TRAPPC9: variants seen among roughly 807,000 people sequenced by gnomAD.
TRAPPC9 encodes the protein IKK2 binding protein.
A neutral mutation model predicts 124.0 loss-of-function variants in TRAPPC9; 83 were observed. The ratio of observed to expected loss-of-function variants is 0.67; its 90% CI spans 0.56 to 0.80. The LOEUF (loss-of-function observed/expected upper bound fraction) is 0.80. TRAPPC9 is among the 30% of genes least tolerant of loss of function. The pLI is 0.00. For synonymous variants in TRAPPC9, 638 were observed against 617.5 expected (o/e 1.03, Z -0.49); for missense variants, 1,302 against 1,508.3 (o/e 0.86, Z 2.27).
At position 139,962,661 on chromosome 8, in the gene TRAPPC9, T is replaced by A. The variant is rs1835418821; in HGVS notation, c.2810+26065A>T. Among the ~76,000 whole-genome samples the A allele has an allele frequency of 1.3e-4, 16 of 124,474 alleles. 6 individuals carry two copies. The Admixed American group carries it at 1.4e-3, about 11-fold the overall frequency. 81.7% of individuals were successfully genotyped at this position (124,474 alleles called of 152,430 possible). A position where few individuals can be genotyped will look rare whatever the true frequency, so the allele number is the denominator to read the frequency against. On this transcript the variant is annotated intron_variant, in intron 19 of 22. Coordinates refer to ENST00000438773, the MANE Select transcript of TRAPPC9 (RefSeq NM_001160372.4). The stretch of plus-strand genomic sequence containing the variant: ...CATTCTCCCAGCCCCACTGGAAGCA[T>A]GTGGCCACGGTGACCAGGAGGACAC...
intron 9 of TRAPPC9, among the ~76,000 whole-genome samples, chr8:140,342,523 A>G (rs1470981278): frequency 1.3e-5 from 2 of 152,192 alleles, no homozygotes; most frequent in Non-Finnish European, 2.9e-5. Flanking sequence ...GTTTTATTCA[A>G]TCCCTTCTCT....
intron 17 of TRAPPC9, among the ~76,000 whole-genome samples, chr8:140,055,433 T>C (rs1376890307): frequency 6.6e-6 from 1 of 152,128 alleles, no homozygotes; most frequent in African/African-American, 2.4e-5. Context: ...TAAAAAAAAC[T>C]GAAGGCTTTT....
At chr8:140,291,591 C>A (rs1390377838) in intron 11 of TRAPPC9, among the ~76,000 whole-genome samples, 2 of 152,230 alleles carry the variant, frequency 1.3e-5, no homozygotes, top group African/African-American at 4.8e-5. Flanking sequence ...GTGTGCACAA[C>A]CTGGTGTGCA....
chr8:140,202,890 T>G (rs1198834122), intron 17 of TRAPPC9, among the ~76,000 whole-genome samples: 3 of 152,202 alleles, frequency 2.0e-5, no homozygotes, highest in South Asian at 4.1e-4. Context: ...AATTCTACTT[T>G]AAGGGAAATC....
intron 17 of TRAPPC9, among the ~76,000 whole-genome samples, chr8:140,082,345 G>A (rs1182383462): frequency 6.6e-6 from 1 of 152,022 alleles, no homozygotes; most frequent in East Asian, 1.9e-4. Flanking sequence ...GCTGAATAAA[G>A]TGTGGAATCA....
rs560563220 is a variant in TRAPPC9, at chr8:139,749,580, T to G, written c.3056-17378A>C. 2.0e-5 allele frequency among the ~76,000 whole-genome samples: 3 copies of G among 152,328 alleles called. No individual in the cohort carries two copies. In the East Asian group the frequency reaches 5.8e-4, roughly 29 times the overall value. On this transcript the variant is annotated intron_variant, in intron 21 of 22. Transcript: ENST00000438773. ...CCCCTCTCACCCTGTACCCCCAGAC[T>G]GTCCTCACACAGCCCAGGGCTGACC...
chr8:139,891,265 G>C (rs1296251626), intron 20 of TRAPPC9, among the ~76,000 whole-genome samples: 1 of 152,254 alleles, frequency 6.6e-6, no homozygotes, highest in African/African-American at 2.4e-5. Flanking sequence ...AGGAATGTGA[G>C]AGTAAGGGAA....
intron 19 of TRAPPC9, among the ~76,000 whole-genome samples, chr8:139,953,473 C>T (rs1434666314): frequency 6.6e-6 from 1 of 152,142 alleles, no homozygotes; most frequent in Non-Finnish European, 1.5e-5. Flanking sequence ...GCCTGGGTGA[C>T]AGAGCAAGAC....
intron 2 of TRAPPC9, among the ~76,000 whole-genome samples, chr8:140,444,866 G>T (rs866671435): frequency 2.7e-5 from 1 of 37,218 alleles, no homozygotes; most frequent in Admixed American, 2.1e-4. Flanking sequence ...TCCAATCTCA[G>T]GAAAAAAAAA....
intron 7 of TRAPPC9, among the ~76,000 whole-genome samples, chr8:140,392,000 T>A (rs1027804406): frequency 6.7e-6 from 1 of 150,316 alleles, no homozygotes. Flanking sequence ...CACTCCAACC[T>A]GGGCTACAAG....
intron 8 of TRAPPC9, among the ~76,000 whole-genome samples, chr8:140,362,959 C>A (rs1273951184): frequency 6.6e-6 from 1 of 152,174 alleles, no homozygotes; most frequent in African/African-American, 2.4e-5. Flanking sequence ...GTCATAATTT[C>A]TATGTGGCTC....
In TRAPPC9 at chr8:140,056,161, C is replaced by G. The variant is rs150110972; in HGVS notation, c.2557-32082G>C. On this transcript the variant is annotated intron_variant, in intron 17 of 22. Transcript: ENST00000438773. The stretch of plus-strand genomic sequence containing the variant: ...CAGTGACTCATGCCTGGAATCCCAG[C>G]ACTTTGGGAGTCTGAGGCAGAAGGA... Among the ~76,000 whole-genome samples the G allele has an allele frequency of 5.2e-3, 797 of 152,090 alleles. 3 individuals are homozygous for G. The highest frequency in any genetic ancestry group is 0.018 in the African/African-American group (763 of 41,500).
intron 13 of TRAPPC9, among the ~76,000 whole-genome samples, chr8:140,285,578 G>A (rs1320357858): frequency 6.6e-6 from 1 of 152,078 alleles, no homozygotes; most frequent in Non-Finnish European, 1.5e-5. Flanking sequence ...CTCCCTTCCA[G>A]CCTGTCTCAT....
intron 17 of TRAPPC9, among the ~76,000 whole-genome samples, chr8:140,041,357 C>T (rs1355564653): frequency 6.6e-6 from 1 of 152,246 alleles, no homozygotes; most frequent in Non-Finnish European, 1.5e-5. Flanking sequence ...AAACAGCGTA[C>T]ACCTGCACAG....
Position 140,405,701 on chromosome 8 carries a change from G to A in TRAPPC9, c.887-3C>T. 5 of 1,614,140 alleles carry A rather than the reference G, an allele frequency of 3.1e-6. No homozygotes were observed. The highest frequency in any genetic ancestry group is 4.2e-6 in the Non-Finnish European group (5 of 1,179,998). ...GATGCCATTGGTGGTGAGGGCACCT[G>A]CAAACCAAGAGGAAGAAAAGAAATA... On this transcript the variant is annotated splice_polypyrimidine_tract_variant and splice_region_variant and intron_variant, in intron 5 of 22. Coordinates refer to ENST00000438773, the MANE Select transcript of TRAPPC9 (RefSeq NM_001160372.4).
chr8:140,304,870 G>A (rs968542596), intron 10 of TRAPPC9, among the ~76,000 whole-genome samples: 28 of 152,120 alleles, frequency 1.8e-4, no homozygotes, highest in African/African-American at 6.5e-4. Flanking sequence ...TCAACAGCAG[G>A]CCACACCGCC....
chr8:140,375,860 G>T (rs553698375), intron 7 of TRAPPC9, among the ~76,000 whole-genome samples: 2 of 152,124 alleles, frequency 1.3e-5, no homozygotes, highest in South Asian at 2.1e-4. Flanking sequence ...CCTGGTGGCC[G>T]CACTCAACTA....
chr8:140,161,958 C>A (rs1024104701), intron 17 of TRAPPC9, among the ~76,000 whole-genome samples: 3 of 152,096 alleles, frequency 2.0e-5, no homozygotes, highest in Non-Finnish European at 2.9e-5. Context: ...CAGCCAAGCC[C>A]GAGTGTCCGG....
chr8:139,953,748 G>A (rs1834809372), intron 19 of TRAPPC9, among the ~76,000 whole-genome samples: 1 of 152,134 alleles, frequency 6.6e-6, no homozygotes, highest in Non-Finnish European at 1.5e-5. Context: ...TAAAGGGCCT[G>A]AACACATACT....
Sources: gnomAD v4.1 joint callset for allele counts (sites outside exome capture counted in the v4.1 genomes callset) on GRCh38, gnomAD v4.1.1 for gene constraint, MANE v1.5 for transcripts, NCBI Gene and HGNC (gene_info 2026-07-23, HGNC 2026-07-21) for gene names.